Variants in DOCK10 observed in about 807,000 individuals in gnomAD.
The protein encoded by DOCK10 is dedicator of cytokinesis protein 10.
In DOCK10, 145 loss-of-function variants were observed where a neutral mutation model predicts 280.1. That is an observed-to-expected ratio of 0.52 (90% CI 0.45 to 0.59). The LOEUF (loss-of-function observed/expected upper bound fraction) is 0.59, where lower values mean the gene tolerates loss of function less well. DOCK10 is among the 20% of genes least tolerant of loss of function. DOCK10 has a pLI of 0.00. For missense variants in DOCK10, 2,368 were observed against 2,651.7 expected (o/e 0.89, Z 2.35); for synonymous variants, 915 against 942.2 (o/e 0.97, Z 0.53).
rs369150703 is a variant in DOCK10, at chr2:225,013,656, G to C, written c.123+28596C>G. ...TCTCAGGGCTTCCTGTGCTCAGTGT[G>C]GGGCAATGTACTCTATCTGCACTTG... On this transcript the variant is annotated intron_variant, in intron 1 of 55. Coordinates refer to ENST00000258390, the MANE Select transcript of DOCK10 (RefSeq NM_014689.3). Among the ~76,000 whole-genome samples the C allele has an allele frequency of 1.6e-3, 236 of 152,240 alleles. 1 individual carries two copies. Among genetic ancestry groups the C allele is most frequent in the African/African-American group, 5.4e-3 (226 of 41,546 alleles).
At chr2:225,026,412 A>T in intron 1 of DOCK10, among the ~76,000 whole-genome samples, 1 of 152,184 alleles carries the variant, frequency 6.6e-6, no homozygotes, top group South Asian at 2.1e-4. Context: ...AGGAAACCAC[A>T]AGGACATTGC....
chr2:224,774,592 AG>A (rs761492123), intron 52 of DOCK10, among the ~76,000 whole-genome samples: 3 of 152,208 alleles, frequency 2.0e-5, no homozygotes, highest in Non-Finnish European at 4.4e-5. Context: ...AAACAATTGA[AG>A]GTAGACTCAG....
intron 47 of DOCK10, among the ~76,000 whole-genome samples, chr2:224,789,964 A>G (rs1406492112): frequency 6.6e-6 from 1 of 152,088 alleles, no homozygotes; most frequent in Non-Finnish European, 1.5e-5. Context: ...TATTTTTAGT[A>G]GAGACGGGGT....
At chr2:224,811,669 G>A (rs982485506) in intron 31 of DOCK10, among the ~76,000 whole-genome samples, 1 of 152,172 alleles carries the variant, frequency 6.6e-6, no homozygotes, top group African/African-American at 2.4e-5. Flanking sequence ...TGTATAAGGT[G>A]TAAGGAAGGG....
chr2:224,927,833 G>A (rs908911427), intron 2 of DOCK10, among the ~76,000 whole-genome samples: 1 of 152,118 alleles, frequency 6.6e-6, no homozygotes, highest in Admixed American at 6.5e-5. Flanking sequence ...CTGCAAGTGT[G>A]GGTGCTTGGT....
intron 50 of DOCK10, among the ~76,000 whole-genome samples, chr2:224,784,918 T>A (rs1303274613): frequency 6.6e-6 from 1 of 152,196 alleles, no homozygotes; most frequent in Non-Finnish European, 1.5e-5. Context: ...GGTTTTTTAC[T>A]TTTTCATTGG....
chr2:224,855,159 A>G, intron 15 of DOCK10, 117 bp from the exon 16 acceptor site: 1 of 563,334 alleles, frequency 1.8e-6, no homozygotes, highest in Non-Finnish European at 2.9e-6. Context: ...AGCTTTGTTA[A>G]GGGTAAACAG....
At chr2:225,029,737 T>C (rs1233588722) in intron 1 of DOCK10, among the ~76,000 whole-genome samples, 2 of 152,186 alleles carry the variant, frequency 1.3e-5, no homozygotes, top group East Asian at 3.8e-4. Flanking sequence ...CAAATAAATA[T>C]AGCAAAAGTT....
rs1014109519 is a variant in DOCK10 at position 224,807,798 on chromosome 2, T to A, written c.3586-14A>T. ...GGCCTGCTTTCTCTAGGAGAAAAGG[T>A]AGCCAAAAGAAATGATTCATGTAAA... On this transcript the variant is annotated splice_polypyrimidine_tract_variant and intron_variant, in intron 32 of 55. Coordinates refer to ENST00000258390, the MANE Select transcript of DOCK10 (RefSeq NM_014689.3). The A allele has an allele frequency of 5.1e-6, 8 of 1,562,390 alleles. No homozygotes were observed. The highest frequency in any genetic ancestry group is 1.4e-5 in the African/African-American group (1 of 73,514).
At chr2:224,804,578 G>A (rs1693258024) in intron 38 of DOCK10, among the ~76,000 whole-genome samples, 1 of 150,786 alleles carries the variant, frequency 6.6e-6, no homozygotes, top group Admixed American at 6.6e-5. Flanking sequence ...TTGTGTTTTT[G>A]TGCTTTTCTC....
At chr2:224,920,855 A>G (rs927439663) in intron 2 of DOCK10, among the ~76,000 whole-genome samples, 4 of 151,596 alleles carry the variant, frequency 2.6e-5, no homozygotes, top group Admixed American at 2.0e-4. Flanking sequence ...CATAAATAAT[A>G]AGATCCAAAT....
chr2:225,039,063 A>G (rs1690341352), intron 1 of DOCK10, among the ~76,000 whole-genome samples: 2 of 152,236 alleles, frequency 1.3e-5, no homozygotes, highest in African/African-American at 4.8e-5. Flanking sequence ...TTAATGAATT[A>G]TAGAAAGCTA....
chr2:225,016,683 AGATATATGTG>A lies in DOCK10; in HGVS notation c.123+25559_123+25568del, dbSNP rs1304853407. Among the ~76,000 whole-genome samples, 98 of 122,594 alleles carry A rather than the reference AGATATATGTG, an allele frequency of 8.0e-4. 1 individual carries two copies. Among genetic ancestry groups the A allele is most frequent in the African/African-American group, 2.5e-3 (85 of 34,212 alleles). The allele number at this position is 122,594 out of a possible 152,430, so 80.4% of individuals were successfully genotyped here. ...TAGATACATATATCTATGTGCACAT[AGATATATGTG>A]TATATATATAGACATAATTTTTTTT... is the stretch of plus-strand genomic sequence containing the variant. On this transcript the variant is annotated intron_variant, in intron 1 of 55. Transcript: ENST00000258390.
At chr2:224,935,271 AT>A (rs1321506771) in intron 1 of DOCK10, among the ~76,000 whole-genome samples, 1 of 152,234 alleles carries the variant, frequency 6.6e-6, no homozygotes, top group Non-Finnish European at 1.5e-5. Flanking sequence ...CATCACTATA[AT>A]TCAAGATCAA....
intron 1 of DOCK10, among the ~76,000 whole-genome samples, chr2:224,953,930 A>AGT (rs10560714): frequency 6.0e-5 from 9 of 150,990 alleles, no homozygotes; most frequent in Non-Finnish European, 1.3e-4. Context: ...GTGTGTGCAG[A>AGT]GTGTGTGTGT....
At chr2:224,842,189 GT>G (rs1696010970) in intron 22 of DOCK10, among the ~76,000 whole-genome samples, 1 of 152,090 alleles carries the variant, frequency 6.6e-6, no homozygotes, top group Non-Finnish European at 1.5e-5. Flanking sequence ...TGCTTTTTGT[GT>G]TTAGAAAAAT....
intron 27 of DOCK10, among the ~76,000 whole-genome samples, chr2:224,828,291 G>T (rs1005367796): frequency 6.6e-6 from 1 of 152,214 alleles, no homozygotes. Context: ...AGGTAACTTA[G>T]AATGCATTGA....
chr2:224,773,060 A>G (rs993659763), intron 53 of DOCK10, 97 bp downstream of exon 53: 21 of 1,151,084 alleles, frequency 1.8e-5, no homozygotes, highest in Non-Finnish European at 2.1e-5. Context: ...CAAAAGGGAA[A>G]ATGTTTCTTA....
intron 2 of DOCK10, among the ~76,000 whole-genome samples, chr2:224,926,931 C>T (rs1476188751): frequency 6.6e-6 from 1 of 152,230 alleles, no homozygotes; most frequent in Non-Finnish European, 1.5e-5. Flanking sequence ...GAAGAAGTCT[C>T]TGTCCTGCTA....
Sources: allele counts gnomAD v4.1 joint callset (sites outside exome capture counted in the v4.1 genomes callset), GRCh38; gene constraint gnomAD v4.1.1; transcripts MANE v1.5; gene names NCBI Gene and HGNC (gene_info 2026-07-23, HGNC 2026-07-21).